CDH20: variants seen among roughly 807,000 people sequenced by gnomAD.
CDH20 encodes the protein cadherin 20.
A neutral mutation model predicts 74.2 loss-of-function variants in CDH20; 29 were observed. That is an observed-to-expected ratio of 0.39 (90% CI 0.29 to 0.53). CDH20 has a LOEUF of 0.53. Among genes scored for constraint, CDH20 ranks in the 20% least tolerant of loss-of-function variants. CDH20 has a pLI of 0.69. For synonymous variants in CDH20, 469 were observed against 405.4 expected (o/e 1.16, Z -1.88); for missense variants, 988 against 1,048.3 (o/e 0.94, Z 0.79).
chr18:61,530,494 A>G (rs538359812), intron 7 of CDH20, among the ~76,000 whole-genome samples: 114 of 152,332 alleles, frequency 7.5e-4, no homozygotes, highest in Non-Finnish European at 1.4e-3. Flanking sequence ...TAAAGAGAAA[A>G]TATCTATCAA....
intron 9 of CDH20, among the ~76,000 whole-genome samples, chr18:61,542,782 G>A (rs1913086606): frequency 6.6e-6 from 1 of 152,178 alleles, no homozygotes; most frequent in Admixed American, 6.5e-5. Context: ...ATGGAGGAAG[G>A]GGGAAGGAAG....
Position 61,509,640 on chromosome 18 carries a change from A to G in CDH20, c.1017+2080A>G, listed in dbSNP as rs78545520. Among the ~76,000 whole-genome samples, 142 of 152,286 alleles carry G rather than the reference A, an allele frequency of 9.3e-4. 1 individual carries two copies. The highest frequency in any genetic ancestry group is 3.2e-3 in the African/African-American group (134 of 41,552). On this transcript the variant is annotated intron_variant, in intron 6 of 11. Transcript: ENST00000262717. ...TTTACTCTGAGTAAAGTGGGAAATG[A>G]CTGAAGGATTTTTAACAGATGTATG...
At chr18:61,550,418 G>C (rs1375504662) in intron 11 of CDH20, among the ~76,000 whole-genome samples, 189 bp downstream of exon 11, 1 of 152,204 alleles carries the variant, frequency 6.6e-6, no homozygotes, top group Non-Finnish European at 1.5e-5. Flanking sequence ...AGGTGTCTGT[G>C]GCAAGATCAA....
intron 11 of CDH20, among the ~76,000 whole-genome samples, chr18:61,552,250 T>C (rs1024759622): frequency 4.4e-4 from 67 of 152,044 alleles, no homozygotes; most frequent in Non-Finnish European, 1.3e-4. Context: ...GTGCCTATAG[T>C]ACACGAAGAA....
At chr18:61,470,815 G>A (rs1271535908) in intron 1 of CDH20, among the ~76,000 whole-genome samples, 1 of 152,010 alleles carries the variant, frequency 6.6e-6, no homozygotes, top group Admixed American at 6.6e-5. Flanking sequence ...ATACTGAAAC[G>A]TGAAATTGAG....
At position 61,528,004 on chromosome 18, in the gene CDH20, AG is replaced by A; in HGVS notation, c.1057del (p.Val353TrpfsTer8). 6.2e-7 allele frequency: 1 copy of A among 1,614,124 alleles called. No homozygotes were observed. Among genetic ancestry groups the A allele is most frequent in the Admixed American group, 1.7e-5 (1 of 60,014 alleles). On this transcript the variant is annotated frameshift_variant, in exon 7 of 12. Transcript: ENST00000262717. LOFTEE classifies it high-confidence loss of function. ...SFESKKSYTL[K>X]VEGANPHLEM... The stretch of plus-strand genomic sequence containing the variant: ...GAAAGCAAGAAAAGCTACACCTTAA[AG>A]GTGGAGGGAGCCAATCCTCACCTAG...
chr18:61,446,857 A>C (rs1001678250), intron 1 of CDH20, among the ~76,000 whole-genome samples: 1 of 152,212 alleles, frequency 6.6e-6, no homozygotes, highest in Admixed American at 6.5e-5. Context: ...TAAAGACAGA[A>C]CTAGGTGTAA....
chr18:61,396,982 G>A (rs189583053), intron 1 of CDH20, among the ~76,000 whole-genome samples: 12 of 152,204 alleles, frequency 7.9e-5, no homozygotes, highest in African/African-American at 1.4e-4. Flanking sequence ...GTATGTTCCC[G>A]GGGACCATGA....
At chr18:61,412,496 AG>A (rs1217805766) in intron 1 of CDH20, among the ~76,000 whole-genome samples, 3 of 152,180 alleles carry the variant, frequency 2.0e-5, no homozygotes, top group South Asian at 2.1e-4. Context: ...ACATGTACAC[AG>A]ATACATGTCC....
Position 61,555,499 on chromosome 18 carries a change from G to T in CDH20, c.*804G>T. On this transcript the variant is annotated 3_prime_UTR_variant, in exon 12 of 12. Coordinates refer to ENST00000262717, the MANE Select transcript of CDH20 (RefSeq NM_031891.4). ...TAGATGTCTCTTCCATGTGCCAAAT[G>T]TGGAGATTAGATGCTACAAATGAAA... 1.0e-6 allele frequency: 1 copy of T among 985,414 alleles called. No individual in the cohort carries two copies. Among genetic ancestry groups the T allele is most frequent in the Non-Finnish European group, 1.2e-6 (1 of 829,932 alleles). 61.0% of individuals were successfully genotyped at this position (985,414 alleles called of 1,614,324 possible). A position where few individuals can be genotyped will look rare whatever the true frequency, so the allele number is the denominator to read the frequency against.
chr18:61,443,704 A>G (rs1285767857), intron 1 of CDH20, among the ~76,000 whole-genome samples: 1 of 152,146 alleles, frequency 6.6e-6, no homozygotes, highest in Non-Finnish European at 1.5e-5. Flanking sequence ...TCTTTTATAG[A>G]GGATGCAGGG....
chr18:61,391,516 A>G (rs1911779258), intron 1 of CDH20: 1 of 152,194 alleles, frequency 6.6e-6, no homozygotes, highest in Non-Finnish European at 1.5e-5. Context: ...TGAATATGTA[A>G]TAATTGATCC....
intron 6 of CDH20, among the ~76,000 whole-genome samples, chr18:61,515,171 C>A (rs1911946156): frequency 6.6e-6 from 1 of 152,130 alleles, no homozygotes; most frequent in Non-Finnish European, 1.5e-5. Flanking sequence ...GCCTAGGACC[C>A]TCGGAGCCAG....
intron 9 of CDH20, among the ~76,000 whole-genome samples, chr18:61,541,062 A>G (rs1179136989): frequency 6.6e-6 from 1 of 152,184 alleles, no homozygotes; most frequent in Non-Finnish European, 1.5e-5. Context: ...AATAAAAGTT[A>G]TAATGCAGAA....
At chr18:61,351,220 C>A (rs1910294270) in intron 1 of CDH20, among the ~76,000 whole-genome samples, 1 of 152,072 alleles carries the variant, frequency 6.6e-6, no homozygotes, top group Admixed American at 6.5e-5. Context: ...CGAGTAAGAC[C>A]ATCTGGATAT....
intron 1 of CDH20, among the ~76,000 whole-genome samples, chr18:61,472,842 T>A (rs1409379179): frequency 1.3e-5 from 2 of 152,230 alleles, no homozygotes; most frequent in Non-Finnish European, 2.9e-5. Flanking sequence ...TGGAACATGG[T>A]TATTAAGCAA....
intron 8 of CDH20, among the ~76,000 whole-genome samples, 179 bp from the exon 9 acceptor site, chr18:61,538,845 G>A (rs1277116795): frequency 6.6e-6 from 1 of 151,752 alleles, no homozygotes; most frequent in African/African-American, 2.4e-5. Context: ...TGTTATCCAG[G>A]ATGGTCTCGA....
At chr18:61,388,545 A>T (rs1410173796) in intron 1 of CDH20, among the ~76,000 whole-genome samples, 1 of 152,152 alleles carries the variant, frequency 6.6e-6, no homozygotes, top group Non-Finnish European at 1.5e-5. Context: ...CAGCCAATTC[A>T]TTTGATTTGC....
chr18:61,552,033 C>G (rs1189972282), intron 11 of CDH20, among the ~76,000 whole-genome samples: 1 of 152,118 alleles, frequency 6.6e-6, no homozygotes, highest in Non-Finnish European at 1.5e-5. Context: ...TCATAAAATC[C>G]TCACAGTTTT....
Sources: allele counts gnomAD v4.1 joint callset (sites outside exome capture counted in the v4.1 genomes callset), GRCh38; gene constraint gnomAD v4.1.1; transcripts MANE v1.5; gene names NCBI Gene and HGNC (gene_info 2026-07-23, HGNC 2026-07-21).